Variants in EML6 observed in about 807,000 individuals in gnomAD.
EML6 encodes echinoderm microtubule-associated protein-like 6.
A neutral mutation model predicts 240.1 loss-of-function variants in EML6; 154 were observed. That is an observed-to-expected ratio of 0.64 (90% confidence interval 0.56 to 0.73). The LOEUF is 0.73. EML6 is among the 30% of genes least tolerant of loss of function. The probability of loss-of-function intolerance (pLI) is 0.00; values close to 1 mark genes in which losing one functional copy is unlikely to be tolerated. For synonymous variants in EML6, 1,148 were observed against 899.0 expected (o/e 1.28, Z -4.95); for missense variants, 2,964 against 2,474.6 (o/e 1.20, Z -4.20).
intron 2 of EML6, among the ~76,000 whole-genome samples, chr2:54,756,655 C>A (rs904873679): frequency 6.6e-6 from 1 of 151,766 alleles, no homozygotes; most frequent in Non-Finnish European, 1.5e-5. Context: ...CTACAAAAAG[C>A]CTTTTTTTTG....
In EML6 at chr2:54,917,227, T is replaced by A. The variant is rs116501896; in HGVS notation, c.3675+292T>A. Among the ~76,000 whole-genome samples, 838 of 152,282 alleles carry A rather than the reference T, an allele frequency of 5.5e-3. 7 individuals are homozygous for A. Among genetic ancestry groups the A allele is most frequent in the African/African-American group, 0.02 (811 of 41,554 alleles). ...CCTCACAGACCAGTGCCTTTCTAAC[T>A]TTCATTAGGATACTTCCACAGATGA... On this transcript the variant is annotated intron_variant, in intron 26 of 41. Transcript: ENST00000356458.
chr2:54,931,125 T>A (rs898069686), intron 28 of EML6, among the ~76,000 whole-genome samples: 9 of 148,928 alleles, frequency 6.0e-5, no homozygotes, highest in African/African-American at 2.0e-4. Context: ...GCCCGGCTAA[T>A]TTTTTGTATT....
chr2:54,918,846 T>C (rs1479228282), intron 26 of EML6, among the ~76,000 whole-genome samples: 1 of 152,234 alleles, frequency 6.6e-6, no homozygotes, highest in Non-Finnish European at 1.5e-5. Flanking sequence ...CAATAAAATA[T>C]GTGAGGTTAG....
intron 7 of EML6, among the ~76,000 whole-genome samples, chr2:54,837,575 T>C (rs1669220345): frequency 6.6e-6 from 1 of 152,216 alleles, no homozygotes; most frequent in Admixed American, 6.5e-5. Flanking sequence ...TTTTTTGTCA[T>C]TTGCTCATCA....
At chr2:54,823,849 A>ATT (rs1491141233) in intron 5 of EML6, among the ~76,000 whole-genome samples, 1 of 62,698 alleles carries the variant, frequency 1.6e-5, no homozygotes, top group Non-Finnish European at 3.0e-5. Context: ...TCATTCATTC[A>ATT]TTCTCTCTCT....
intron 4 of EML6, among the ~76,000 whole-genome samples, chr2:54,817,882 T>A (rs529974947): frequency 6.6e-6 from 1 of 151,892 alleles, no homozygotes; most frequent in East Asian, 1.9e-4. Flanking sequence ...ATGTTGCAAA[T>A]TCTACTCCAG....
intron 4 of EML6, among the ~76,000 whole-genome samples, chr2:54,819,665 A>C (rs1668238122): frequency 6.6e-6 from 1 of 150,990 alleles, no homozygotes; most frequent in Non-Finnish European, 1.5e-5. Flanking sequence ...AGTCCCAGCT[A>C]CTCGGGAGGC....
Position 54,866,835 on chromosome 2 carries a change from A to C in EML6, c.2002A>C (p.Lys668Gln). The C allele has an allele frequency of 6.4e-7, 1 of 1,551,336 alleles. No individual in the cohort carries two copies. Among genetic ancestry groups the C allele is most frequent in the South Asian group, 1.2e-5 (1 of 84,050 alleles). The change falls in exon 14 of 42, where the codon AAA becomes CAA. Residue 668 changes from lysine to glutamine, a missense_variant. Physicochemically the swap from Lys to Gln is moderately conservative, Grantham distance 53. Coordinates refer to ENST00000356458, the MANE Select transcript of EML6 (RefSeq NM_001039753.4). ...GAAAAACCACGCAGTGCCCTTCCTCAAACGAGAAAAGGCTCCTGAGGACAG... is the reference window on the plus strand; with the variant it reads ...GAAAAACCACGCAGTGCCCTTCCTCCAACGAGAAAAGGCTCCTGAGGACAG... Reference protein sequence around the residue: ...KEKNHAVPFLKREKAPEDSLK... With the variant: ...KEKNHAVPFLQREKAPEDSLK...
At chr2:54,830,974 G>A (rs1006716436) in intron 7 of EML6, among the ~76,000 whole-genome samples, 1 of 152,174 alleles carries the variant, frequency 6.6e-6, no homozygotes, top group East Asian at 1.9e-4. Flanking sequence ...GGAGATCGAA[G>A]GCCTTAAGTT....
At chr2:54,792,419 A>G (rs540203692) in intron 2 of EML6, among the ~76,000 whole-genome samples, 6 of 152,342 alleles carry the variant, frequency 3.9e-5, no homozygotes, top group African/African-American at 7.2e-5. Context: ...GGGGCTTTGA[A>G]TAGGCATCCG....
chr2:54,798,608 T>C (rs1669946126), intron 2 of EML6, among the ~76,000 whole-genome samples: 1 of 152,194 alleles, frequency 6.6e-6, no homozygotes, highest in African/African-American at 2.4e-5. Flanking sequence ...TACCTACAAA[T>C]TGATTTTCGT....
At chr2:54,782,999 T>C (rs2103858460) in intron 2 of EML6, among the ~76,000 whole-genome samples, 1 of 152,368 alleles carries the variant, frequency 6.6e-6, no homozygotes, top group African/African-American at 2.4e-5. Context: ...CAGTAAATCA[T>C]AGCTGTTTTT....
chr2:54,956,955 T>A (rs1002874424), intron 32 of EML6, among the ~76,000 whole-genome samples: 2 of 152,104 alleles, frequency 1.3e-5, no homozygotes, highest in African/African-American at 4.8e-5. Context: ...AGCCAAGAAA[T>A]TTTAAAAGTA....
In EML6 at chr2:54,871,491, T is replaced by C; in HGVS notation, c.2239-9T>C. 6.5e-7 allele frequency: 1 copy of C among 1,544,888 alleles called. No individual in the cohort carries two copies. Among genetic ancestry groups the C allele is most frequent in the Non-Finnish European group, 8.8e-7 (1 of 1,140,644 alleles). ...TTAGTAGTTAATAACAGTCATTCTG[T>C]TATTTAAGGTTGGAAGAGATGCTGC... On this transcript the variant is annotated splice_polypyrimidine_tract_variant and intron_variant, in intron 15 of 41. Coordinates refer to ENST00000356458, the MANE Select transcript of EML6 (RefSeq NM_001039753.4).
At chr2:54,925,649 C>G (rs548190186) in intron 26 of EML6, among the ~76,000 whole-genome samples, 1 of 152,292 alleles carries the variant, frequency 6.6e-6, no homozygotes, top group Admixed American at 6.5e-5. Flanking sequence ...CCAATTAGAT[C>G]ATTAGTGCCC....
intron 26 of EML6, among the ~76,000 whole-genome samples, chr2:54,922,180 T>C (rs1674291134): frequency 6.6e-6 from 1 of 152,226 alleles, no homozygotes; most frequent in Admixed American, 6.5e-5. Context: ...AAAGGGTTAA[T>C]ATACAAAATA....
At chr2:54,873,948 C>A (rs899908074) in intron 16 of EML6, among the ~76,000 whole-genome samples, 4 of 151,254 alleles carry the variant, frequency 2.6e-5, no homozygotes, top group African/African-American at 9.7e-5. Flanking sequence ...ACTCAAAATA[C>A]CATCTATCAC....
rs769767243 is a variant in EML6, at chr2:54,950,634, G to T, written c.4084-16G>T. On this transcript the variant is annotated splice_polypyrimidine_tract_variant and intron_variant, in intron 29 of 41. Coordinates refer to ENST00000356458, the MANE Select transcript of EML6 (RefSeq NM_001039753.4). ...CTTCCTCTGAGGGTCACATTGATCTGTGTGTGTGAATGCAGGAGCTGGCTC... is the reference window on the plus strand; with the variant it reads ...CTTCCTCTGAGGGTCACATTGATCTTTGTGTGTGAATGCAGGAGCTGGCTC... The T allele has an allele frequency of 6.4e-7, 1 of 1,551,238 alleles. No individual in the cohort carries two copies. Among genetic ancestry groups the T allele is most frequent in the Non-Finnish European group, 8.7e-7 (1 of 1,146,762 alleles).
At chr2:54,810,503 G>C (rs1667781080) in intron 2 of EML6, among the ~76,000 whole-genome samples, 1 of 152,180 alleles carries the variant, frequency 6.6e-6, no homozygotes, top group Non-Finnish European at 1.5e-5. Flanking sequence ...GGATGCTTCA[G>C]AATCTCAAGA....
Sources: gnomAD v4.1 joint callset for allele counts (sites outside exome capture counted in the v4.1 genomes callset) on GRCh38, gnomAD v4.1.1 for gene constraint, MANE v1.5 for transcripts, NCBI Gene and HGNC (gene_info 2026-07-23, HGNC 2026-07-21) for gene names.